Variants in GALNT16 observed in about 807,000 individuals in gnomAD.
GALNT16 encodes UDP-GalNAc:polypeptide N-acetylgalactosaminyltransferase-like protein 1.
Under a neutral mutation model 76.1 loss-of-function variants are expected in GALNT16, and 40 were observed. The ratio of observed to expected loss-of-function variants is 0.53; its 90% CI spans 0.41 to 0.68. The LOEUF (loss-of-function observed/expected upper bound fraction) is 0.68. Ranked by LOEUF, GALNT16 falls within the 30% of genes least tolerant of loss-of-function variation. The pLI is 0.00. For missense variants in GALNT16, 621 were observed against 731.9 expected, an observed-to-expected ratio of 0.85 and a Z score of 1.75; for synonymous variants, 276 against 285.2, an observed-to-expected ratio of 0.97 and a Z score of 0.32.
In GALNT16 at chr14:69,304,531, C is replaced by T. The variant is rs540082361; in HGVS notation, c.178-16180C>T. Among the ~76,000 whole-genome samples, 104 of 152,234 alleles carry T rather than the reference C, an allele frequency of 6.8e-4. 1 individual carries two copies. Among genetic ancestry groups the T allele is most frequent in the South Asian group, 6.4e-3 (31 of 4,828 alleles). Reference sequence around the variant, plus strand: ...AATCCATTATGATTGACTATAGGTACGATGTTGTACAGCAGACTCTAGAGC... The same window carrying T: ...AATCCATTATGATTGACTATAGGTATGATGTTGTACAGCAGACTCTAGAGC... On this transcript the variant is annotated intron_variant, in intron 1 of 14. Coordinates refer to ENST00000448469, the MANE Select transcript of GALNT16 (RefSeq NM_001168368.2).
chr14:69,345,703 A>AGAGTGTGTGTGTGTGTGT (rs1555402035), intron 12 of GALNT16, among the ~76,000 whole-genome samples: 2 of 135,006 alleles, frequency 1.5e-5, no homozygotes, highest in Admixed American at 7.5e-5. Flanking sequence ...ATAAGGTGTC[A>AGAGTGTGTGTGTGTGTGT]GTGTGTGTGT....
rs891253112 is a variant in GALNT16 at position 69,352,770 on chromosome 14, A to T, written c.*602A>T. 2 of 152,422 alleles carry T rather than the reference A, an allele frequency of 1.3e-5. No individual in the cohort carries two copies. The highest frequency in any genetic ancestry group is 4.8e-5 in the African/African-American group (2 of 41,410). The allele number at this position is 152,422 out of a possible 1,614,324, so 9.4% of individuals were successfully genotyped here. ...ACGGATGGTGTCTTGGCAGCAAAGG[A>T]TGGGTAATTTGCAAATGAACATGGA... On this transcript the variant is annotated 3_prime_UTR_variant, in exon 15 of 15. Coordinates refer to ENST00000448469, the MANE Select transcript of GALNT16 (RefSeq NM_001168368.2).
At chr14:69,259,968 G>C, upstream of GALNT16, 1 of 211,654 alleles carries the variant, frequency 4.7e-6, no homozygotes, top group East Asian at 1.1e-4. Flanking sequence ...CTTCCCACTC[G>C]GCGCGCTTCT....
chr14:69,272,594 T>C (rs2044419117), intron 1 of GALNT16, among the ~76,000 whole-genome samples: 1 of 152,176 alleles, frequency 6.6e-6, no homozygotes, highest in Non-Finnish European at 1.5e-5. Context: ...GTAGACTACA[T>C]GTACAGTGTT....
At chr14:69,371,976 A>C in the GALNT16 span, among the ~76,000 whole-genome samples, 3 of 151,452 alleles carry the variant, frequency 2.0e-5, no homozygotes, top group African/African-American at 4.9e-5. Flanking sequence ...AAATAATAAT[A>C]AGTTATCATT....
At chr14:69,315,415 G>A (rs2045085797) in intron 1 of GALNT16, among the ~76,000 whole-genome samples, 1 of 152,196 alleles carries the variant, frequency 6.6e-6, no homozygotes, top group South Asian at 2.1e-4. Flanking sequence ...GCAGGAGGCT[G>A]GAAGGATGTG....
the GALNT16 span, among the ~76,000 whole-genome samples, chr14:69,375,318 A>T: frequency 6.6e-6 from 1 of 152,194 alleles, no homozygotes; most frequent in East Asian, 1.9e-4. Flanking sequence ...GACCACATAT[A>T]GTGGTGTCTT....
chr14:69,362,800 TCAGG>T, the GALNT16 span, among the ~76,000 whole-genome samples: 1 of 152,148 alleles, frequency 6.6e-6, no homozygotes, highest in African/African-American at 2.4e-5. Flanking sequence ...TTCCAGCTGG[TCAGG>T]ACTGTCTCCA....
chr14:69,306,631 T>A (rs1393551940), intron 1 of GALNT16, among the ~76,000 whole-genome samples: 1 of 152,220 alleles, frequency 6.6e-6, no homozygotes, highest in Non-Finnish European at 1.5e-5. Flanking sequence ...TGCCTAATAT[T>A]TGTCTATAAG....
chr14:69,329,638 T>C (rs552067435), intron 6 of GALNT16, among the ~76,000 whole-genome samples: 2 of 151,988 alleles, frequency 1.3e-5, no homozygotes, highest in East Asian at 3.9e-4. Flanking sequence ...AAATAAAAGG[T>C]TTAATCGGCT....
At chr14:69,373,000 T>C in the GALNT16 span, among the ~76,000 whole-genome samples, 1 of 152,210 alleles carries the variant, frequency 6.6e-6, no homozygotes, top group Non-Finnish European at 1.5e-5. Context: ...TTGGTGACCA[T>C]ACTTCTAACA....
intron 1 of GALNT16, among the ~76,000 whole-genome samples, chr14:69,264,932 G>T (rs1175597512): frequency 1.3e-5 from 2 of 149,660 alleles, no homozygotes; most frequent in African/African-American, 4.9e-5. Flanking sequence ...CCCTGCCTCA[G>T]CATCCTGAAT....
the GALNT16 span, among the ~76,000 whole-genome samples, chr14:69,373,535 A>C: frequency 6.6e-6 from 1 of 152,246 alleles, no homozygotes; most frequent in South Asian, 2.1e-4. Flanking sequence ...AATTACAAAA[A>C]AGAAAGGGTA....
rs1488442071 is a variant in GALNT16 at position 69,341,820 on chromosome 14, C to G, written c.1271+56C>G. 7 of 1,224,412 alleles carry G rather than the reference C, an allele frequency of 5.7e-6. No individual in the cohort carries two copies. The East Asian group carries it at 1.7e-4, about 30-fold the overall frequency. The allele number at this position is 1,224,412 out of a possible 1,614,324, so 75.8% of individuals were successfully genotyped here. A position where few individuals can be genotyped will look rare whatever the true frequency, so the allele number is the denominator to read the frequency against. On this transcript the variant is annotated intron_variant, in intron 12 of 14. Coordinates refer to ENST00000448469, the MANE Select transcript of GALNT16 (RefSeq NM_001168368.2). ...CAGGCGGGTAGGGGGTGGTTGGGGC[C>G]AGCGGCTTTGGTCCCACCCCACCCT... is the stretch of plus-strand genomic sequence containing the variant.
At chr14:69,329,836 G>C (rs765885583) in intron 6 of GALNT16, among the ~76,000 whole-genome samples, 3 of 152,060 alleles carry the variant, frequency 2.0e-5, no homozygotes, top group Non-Finnish European at 4.4e-5. Context: ...CTTACTGTCA[G>C]GAAGACAACA....
At chr14:69,351,819 A>C in intron 14 of GALNT16, 8 of 491,428 alleles carry the variant, frequency 1.6e-5, no homozygotes, top group Non-Finnish European at 1.8e-5. Context: ...GGCTGAGGCA[A>C]GAGGATTGCT....
intron 7 of GALNT16, chr14:69,332,379 A>G (rs1406569203): frequency 6.6e-6 from 1 of 152,448 alleles, no homozygotes; most frequent in Non-Finnish European, 1.5e-5. Flanking sequence ...ATAAAACTTA[A>G]AAGGCAGTTC....
chr14:69,338,967 G>T (rs1299293915), intron 10 of GALNT16, among the ~76,000 whole-genome samples, 190 bp downstream of exon 10: 1 of 151,990 alleles, frequency 6.6e-6, no homozygotes, highest in African/African-American at 2.4e-5. Context: ...TTGCCACCAG[G>T]TCTCTCTTGC....
At chr14:69,335,588 T>A (rs2045406161) in intron 9 of GALNT16, among the ~76,000 whole-genome samples, 1 of 152,190 alleles carries the variant, frequency 6.6e-6, no homozygotes, top group African/African-American at 2.4e-5. Context: ...CATTTCAAAC[T>A]CTGCCTGAGG....
Sources: gnomAD v4.1 joint callset for allele counts (sites outside exome capture counted in the v4.1 genomes callset) on GRCh38, gnomAD v4.1.1 for gene constraint, MANE v1.5 for transcripts, NCBI Gene and HGNC (gene_info 2026-07-23, HGNC 2026-07-21) for gene names.